Variants in ARSG observed in about 807,000 individuals in gnomAD.
ARSG encodes the protein ASG.
Under a neutral mutation model 50.5 loss-of-function variants are expected in ARSG, and 37 were observed. The observed-to-expected ratio is 0.73, with a 90% CI of 0.56 to 0.96. The LOEUF (loss-of-function observed/expected upper bound fraction) is 0.96, where lower values mean the gene tolerates loss of function less well. Among genes scored for constraint, ARSG ranks in the 50% least tolerant of loss-of-function variants. ARSG has a pLI of 0.00. For synonymous variants in ARSG, 225 were observed against 254.6 expected (o/e 0.88, Z 1.11); for missense variants, 629 against 675.3 (o/e 0.93, Z 0.76).
At chr17:68,263,483 CTTTTA>C (rs1555745673) in intron 1 of ARSG, among the ~76,000 whole-genome samples, 1 of 152,144 alleles carries the variant, frequency 6.6e-6, no homozygotes, top group Non-Finnish European at 1.5e-5. Flanking sequence ...TACTATTTTT[CTTTTA>C]TGAGACAGGG....
rs2076643846 is a variant in ARSG, at chr17:68,307,310, A to G, written c.-184A>G. 1 of 564,850 alleles carries G rather than the reference A, an allele frequency of 1.8e-6. No individual in the cohort carries two copies. Among genetic ancestry groups the G allele is most frequent in the East Asian group, 2.9e-5 (1 of 34,820 alleles). 35.0% of individuals were successfully genotyped at this position (564,850 alleles called of 1,614,324 possible). A position where few individuals can be genotyped will look rare whatever the true frequency, so the allele number is the denominator to read the frequency against. ...TTCCAGATGGGGGCCTCATTTCTAC[A>G]GCCCCCAACATTCCTATAGCCGTTA... On this transcript the variant is annotated 5_prime_UTR_variant, in exon 2 of 12. Transcript: ENST00000621439.
intron 1 of ARSG, among the ~76,000 whole-genome samples, chr17:68,281,857 T>G (rs1240723715): frequency 6.6e-6 from 1 of 152,080 alleles, no homozygotes; most frequent in Non-Finnish European, 1.5e-5. Context: ...AGTATGGAGC[T>G]TCCTCAAAAA....
At position 68,399,102 on chromosome 17, in the gene ARSG, C is replaced by A. The variant is rs1378255510; in HGVS notation, c.1213-2258C>A. On this transcript the variant is annotated intron_variant, in intron 10 of 11. Transcript: ENST00000621439. The surrounding 1 kb of genome is among the most constrained non-coding windows in gnomAD (Gnocchi z 4.6). ...CCTAACAGCTCTGCATCTGCCCAGC[C>A]TCACACAGTCTGGGGCTGCTGTGGG... Among the ~76,000 whole-genome samples, 2 of 152,210 alleles carry A rather than the reference C, an allele frequency of 1.3e-5. No individual in the cohort carries two copies. The highest frequency in any genetic ancestry group is 4.8e-5 in the African/African-American group (2 of 41,452).
At chr17:68,264,500 C>T (rs1299397193) in intron 1 of ARSG, among the ~76,000 whole-genome samples, 2 of 151,814 alleles carry the variant, frequency 1.3e-5, no homozygotes, top group Middle Eastern at 3.2e-3. Flanking sequence ...GGTACAATGG[C>T]GCAATCTTGG....
intron 11 of ARSG, among the ~76,000 whole-genome samples, chr17:68,409,721 C>T (rs1035658293): frequency 1.1e-4 from 16 of 149,994 alleles, no homozygotes; most frequent in African/African-American, 2.2e-4. Context: ...GCAGTATGGC[C>T]ATTTTCACGA....
chr17:68,330,787 A>G (rs958550306), intron 2 of ARSG, among the ~76,000 whole-genome samples: 1 of 152,016 alleles, frequency 6.6e-6, no homozygotes, highest in African/African-American at 2.4e-5. Context: ...GAGATTTAAG[A>G]CAAGGCTGAT....
intron 9 of ARSG, among the ~76,000 whole-genome samples, chr17:68,387,258 A>G (rs1430321196): frequency 6.6e-6 from 1 of 152,020 alleles, no homozygotes; most frequent in African/African-American, 2.4e-5. Flanking sequence ...CCTCCCAAGT[A>G]GCTGGGACTA....
In ARSG at chr17:68,307,315, C is replaced by G. The variant is rs920130763; in HGVS notation, c.-179C>G. On this transcript the variant is annotated 5_prime_UTR_variant, in exon 2 of 12. Transcript: ENST00000621439. ...GATGGGGGCCTCATTTCTACAGCCCCCAACATTCCTATAGCCGTTATCACT... is the reference window on the plus strand; with the variant it reads ...GATGGGGGCCTCATTTCTACAGCCCGCAACATTCCTATAGCCGTTATCACT... 6.8e-6 allele frequency: 4 copies of G among 586,180 alleles called. No individual in the cohort carries two copies. Among genetic ancestry groups the G allele is most frequent in the Non-Finnish European group, 1.2e-5 (4 of 328,382 alleles). 36.3% of individuals were successfully genotyped at this position (586,180 alleles called of 1,614,324 possible). A position where few individuals can be genotyped will look rare whatever the true frequency, so the allele number is the denominator to read the frequency against.
intron 5 of ARSG, among the ~76,000 whole-genome samples, chr17:68,352,658 C>T (rs1325703573): frequency 6.6e-6 from 1 of 152,036 alleles, no homozygotes; most frequent in Non-Finnish European, 1.5e-5. Context: ...TACAGGTACC[C>T]ACTACCACAC....
At chr17:68,412,082 A>G (rs2082033466) in intron 11 of ARSG, among the ~76,000 whole-genome samples, 1 of 152,230 alleles carries the variant, frequency 6.6e-6, no homozygotes, top group Admixed American at 6.5e-5. Context: ...CCAATTTGCC[A>G]GTCTGTGTCT....
At chr17:68,281,115 G>C (rs2075680319) in intron 1 of ARSG, among the ~76,000 whole-genome samples, 1 of 144,848 alleles carries the variant, frequency 6.9e-6, no homozygotes, top group Non-Finnish European at 1.5e-5. Flanking sequence ...GACAGAAGGA[G>C]ACTCTGCCTC....
In ARSG at chr17:68,352,142, G is replaced by GGA. The variant is rs200912330; in HGVS notation, c.566+475_566+476dup. 1.8e-3 allele frequency among the ~76,000 whole-genome samples: 148 copies of GGA among 84,062 alleles called. 3 individuals are homozygous for GGA. Among genetic ancestry groups the GGA allele is most frequent in the South Asian group, 9.0e-3 (27 of 2,984 alleles). The allele number at this position is 84,062 out of a possible 152,430, so 55.1% of individuals were successfully genotyped here. On this transcript the variant is annotated intron_variant, in intron 5 of 11. Transcript: ENST00000621439. ...GAGGAGAGAGAGAGAGAGAGACAGA[G>GGA]GAGAGAGAGAGAGAGAGAGACAGAG... is the stretch of plus-strand genomic sequence containing the variant.
At chr17:68,325,740 T>C (rs545698491) in intron 2 of ARSG, among the ~76,000 whole-genome samples, 2 of 152,190 alleles carry the variant, frequency 1.3e-5, no homozygotes, top group Non-Finnish European at 2.9e-5. Flanking sequence ...CATGTGATAG[T>C]CAAGGAAGCC....
At chr17:68,321,374 G>A (rs1249420591) in intron 2 of ARSG, among the ~76,000 whole-genome samples, 2 of 152,178 alleles carry the variant, frequency 1.3e-5, no homozygotes, top group Non-Finnish European at 2.9e-5. Context: ...CCATTTAACA[G>A]AAGGCAATGT....
At chr17:68,433,547 T>G in the ARSG span, 1 of 1,613,930 alleles carries the variant, frequency 6.2e-7, no homozygotes, top group Non-Finnish European at 8.5e-7. Context: ...GAATCCATAC[T>G]GAACACTAGA....
chr17:68,354,843 G>A (rs1033415097), intron 5 of ARSG, among the ~76,000 whole-genome samples: 1 of 152,112 alleles, frequency 6.6e-6, no homozygotes, highest in Non-Finnish European at 1.5e-5. Context: ...CAGCCTGGGC[G>A]ACAGAGTGAG....
At chr17:68,320,976 A>G (rs1041920203) in intron 2 of ARSG, among the ~76,000 whole-genome samples, 1 of 152,148 alleles carries the variant, frequency 6.6e-6, no homozygotes, top group Non-Finnish European at 1.5e-5. Context: ...CAAGGACCAT[A>G]ACCAAGCTCA....
intron 5 of ARSG, among the ~76,000 whole-genome samples, chr17:68,355,647 G>T (rs2078997601): frequency 1.3e-5 from 2 of 152,106 alleles, no homozygotes; most frequent in African/African-American, 4.8e-5. Context: ...GAGCCACTGT[G>T]CCTGGCCTGG....
chr17:68,356,800 G>GC lies in ARSG; in HGVS notation c.701dup (p.Ser235LysfsTer54), dbSNP rs769480000. ...GAAAGCAACCCAGTTCATCCAGCGTGCAAGGTGAGGAGTCTCCCTCCCTCC... is the reference window on the plus strand; with the variant it reads ...GAAAGCAACCCAGTTCATCCAGCGTGCCAAGGTGAGGAGTCTCCCTCCCTCC... On this transcript the variant is annotated frameshift_variant, in exon 6 of 12. Coordinates refer to ENST00000621439, the MANE Select transcript of ARSG (RefSeq NM_001267727.2). LOFTEE classifies it high-confidence loss of function. The GC allele has an allele frequency of 5.6e-5, 91 of 1,614,064 alleles. No homozygotes were observed. Among genetic ancestry groups the GC allele is most frequent in the Non-Finnish European group, 7.5e-5 (88 of 1,180,032 alleles).
Sources: allele counts gnomAD v4.1 joint callset (sites outside exome capture counted in the v4.1 genomes callset), GRCh38; gene constraint gnomAD v4.1.1; non-coding constraint Gnocchi (gnomAD v3.1); transcripts MANE v1.5; gene names NCBI Gene and HGNC (gene_info 2026-07-23, HGNC 2026-07-21).